MINDY3: variants seen among roughly 807,000 people sequenced by gnomAD.
MINDY3 encodes the protein ubiquitin carboxyl-terminal hydrolase MINDY-3.
In MINDY3, 38 loss-of-function variants were observed where a neutral mutation model predicts 69.2. That is an observed-to-expected ratio of 0.55 (90% CI 0.42 to 0.72). The LOEUF is 0.72. MINDY3 is among the 30% of genes least tolerant of loss of function. The probability of loss-of-function intolerance (pLI) is 0.00; values close to 1 mark genes in which losing one functional copy is unlikely to be tolerated. For synonymous variants in MINDY3, 192 were observed against 180.1 expected (o/e 1.07, Z -0.53); for missense variants, 522 against 519.0 (o/e 1.01, Z -0.06).
intron 8 of MINDY3, among the ~76,000 whole-genome samples, chr10:15,824,520 C>T (rs1467189565): frequency 6.6e-5 from 10 of 152,144 alleles, no homozygotes; most frequent in Admixed American, 6.6e-4. Context: ...GTTTTAGAAT[C>T]TTCAGGTTAA....
At chr10:15,832,235 T>C (rs972784489) in intron 8 of MINDY3, among the ~76,000 whole-genome samples, 5 of 151,904 alleles carry the variant, frequency 3.3e-5, no homozygotes, top group African/African-American at 1.2e-4. Context: ...CAGTAAGAAG[T>C]ATCAAGGACA....
intron 6 of MINDY3, among the ~76,000 whole-genome samples, chr10:15,836,878 G>A (rs537968346): frequency 5.3e-5 from 8 of 151,874 alleles, no homozygotes; most frequent in African/African-American, 1.9e-4. Flanking sequence ...ATCAAGAAAT[G>A]GAATCAAGGT....
intron 8 of MINDY3, among the ~76,000 whole-genome samples, chr10:15,824,540 A>AG (rs1427143379): frequency 1.3e-5 from 2 of 152,224 alleles, no homozygotes; most frequent in African/African-American, 4.8e-5. Flanking sequence ...AAGCAAAACA[A>AG]GGGAGAGGAG....
At chr10:15,779,614 T>C (rs1836364286) in intron 14 of MINDY3, among the ~76,000 whole-genome samples, 1 of 152,196 alleles carries the variant, frequency 6.6e-6, no homozygotes, top group African/African-American at 2.4e-5. Flanking sequence ...ATTTAAGTAT[T>C]GAATTTCTAG....
chr10:15,852,112 T>C (rs1277793820), intron 1 of MINDY3, among the ~76,000 whole-genome samples: 2 of 152,196 alleles, frequency 1.3e-5, no homozygotes, highest in African/African-American at 4.8e-5. Context: ...TCTCCTGTCA[T>C]CCCCTAGCAC....
intron 13 of MINDY3, among the ~76,000 whole-genome samples, chr10:15,786,042 A>G (rs1836933194): frequency 6.6e-6 from 1 of 152,172 alleles, no homozygotes; most frequent in South Asian, 2.1e-4. Flanking sequence ...ATACAACTCA[A>G]AAACATTCAG....
chr10:15,842,894 A>T lies in MINDY3; in HGVS notation c.235+318T>A, dbSNP rs541800193. Among the ~76,000 whole-genome samples, 25 of 149,624 alleles carry T rather than the reference A, an allele frequency of 1.7e-4. 1 individual carries two copies. The East Asian group carries it at 4.9e-3, about 29-fold the overall frequency. ...AATTCTGAGGTCTTGCCCACAGCTA[A>T]ATAAGACTACAAAAAAAAAAAAAAA... On this transcript the variant is annotated intron_variant, in intron 3 of 14. Coordinates refer to ENST00000277632, the MANE Select transcript of MINDY3 (RefSeq NM_024948.4).
intron 8 of MINDY3, among the ~76,000 whole-genome samples, chr10:15,831,573 A>G (rs573175327): frequency 6.6e-6 from 1 of 152,182 alleles, no homozygotes; most frequent in South Asian, 2.1e-4. Context: ...CAAAAACGAC[A>G]TATGTGTACA....
intron 9 of MINDY3, among the ~76,000 whole-genome samples, chr10:15,821,177 T>A (rs1480603529): frequency 6.6e-6 from 1 of 152,212 alleles, no homozygotes; most frequent in East Asian, 1.9e-4. Context: ...TTTAATGTTG[T>A]AAAATGCTTG....
chr10:15,785,062 G>A (rs2131832701), intron 13 of MINDY3, among the ~76,000 whole-genome samples: 1 of 152,242 alleles, frequency 6.6e-6, no homozygotes, highest in East Asian at 1.9e-4. Flanking sequence ...CTCTGCTTCA[G>A]GGAGAAACCT....
At chr10:15,796,223 A>C (rs1199548205) in intron 10 of MINDY3, 51 bp from the exon 11 acceptor site, 1 of 1,407,226 alleles carries the variant, frequency 7.1e-7, no homozygotes, top group African/African-American at 1.4e-5. Flanking sequence ...TATGACATTA[A>C]AAAGAAAACA....
chr10:15,836,722 T>C (rs1833107411), intron 6 of MINDY3, among the ~76,000 whole-genome samples: 1 of 145,510 alleles, frequency 6.9e-6, no homozygotes, highest in Admixed American at 7.1e-5. Context: ...AGAAAATTTC[T>C]GGACTATAAA....
intron 1 of MINDY3, among the ~76,000 whole-genome samples, chr10:15,855,913 C>T (rs1391991909): frequency 6.6e-6 from 1 of 151,948 alleles, no homozygotes; most frequent in African/African-American, 2.4e-5. Flanking sequence ...CAGATACTTT[C>T]AAGTATTTGA....
chr10:15,786,488 GA>G (rs1186183521), intron 13 of MINDY3, 72 bp downstream of exon 13: 9 of 954,464 alleles, frequency 9.4e-6, no homozygotes, highest in Non-Finnish European at 5.0e-6. Context: ...TACAGAAAGA[GA>G]AAATGCTGCA....
intron 1 of MINDY3, among the ~76,000 whole-genome samples, chr10:15,849,433 T>C (rs775641246): frequency 6.6e-6 from 1 of 150,390 alleles, no homozygotes; most frequent in African/African-American, 2.4e-5. Context: ...AAAACAGTAA[T>C]ATCATCTTAC....
intron 14 of MINDY3, among the ~76,000 whole-genome samples, chr10:15,781,887 A>G (rs1748269199): frequency 6.6e-6 from 1 of 152,316 alleles, no homozygotes. Flanking sequence ...ATTTAGAAAC[A>G]CGCTACACTG....
At chr10:15,803,353 A>G (rs1383078133) in intron 10 of MINDY3, among the ~76,000 whole-genome samples, 1 of 152,182 alleles carries the variant, frequency 6.6e-6, no homozygotes, top group Non-Finnish European at 1.5e-5. Context: ...TAATATTAAT[A>G]TATCAATATA....
At chr10:15,816,614 A>G (rs1427784181) in intron 10 of MINDY3, among the ~76,000 whole-genome samples, 1 of 152,196 alleles carries the variant, frequency 6.6e-6, no homozygotes, top group Admixed American at 6.5e-5. Flanking sequence ...TAAAGAAAGA[A>G]GAAGAAATTA....
At chr10:15,779,939 T>C (rs1232524148) in intron 14 of MINDY3, among the ~76,000 whole-genome samples, 1 of 152,182 alleles carries the variant, frequency 6.6e-6, no homozygotes, top group African/African-American at 2.4e-5. Context: ...CCTAACTCAT[T>C]ACCAAGGGCT....
Sources: allele counts gnomAD v4.1 joint callset (sites outside exome capture counted in the v4.1 genomes callset), GRCh38; gene constraint gnomAD v4.1.1; transcripts MANE v1.5; gene names NCBI Gene and HGNC (gene_info 2026-07-23, HGNC 2026-07-21).